Variants in ASTE1 observed in about 807,000 individuals in gnomAD.
The protein encoded by ASTE1 is single-strand DNA endonuclease ASTE1.
In ASTE1, 49 loss-of-function variants were observed where a neutral mutation model predicts 45.8. The ratio of observed to expected loss-of-function variants is 1.07; its 90% confidence interval spans 0.85 to 1.36. The LOEUF is 1.36. ASTE1 is among the 40% of genes most tolerant of loss of function. ASTE1 has a pLI of 0.00. For synonymous variants in ASTE1, 296 were observed against 303.9 expected (o/e 0.97, Z 0.27); for missense variants, 709 against 804.0 (o/e 0.88, Z 1.43).
Position 131,024,614 on chromosome 3 carries a change from G to T in ASTE1, c.693C>A (p.Ile231=), listed in dbSNP as rs144860911. ...GCGCTTTACTTAAGAATGTCTCCATGATGGGTAGATTAACATGGTCATTTC... is the reference window on the plus strand; with the variant it reads ...GCGCTTTACTTAAGAATGTCTCCATTATGGGTAGATTAACATGGTCATTTC... ...LCGNDHVNLP[I]METFLSKARL... is the part of the protein sequence containing the mutation. Residue 231 remains isoleucine, a synonymous_variant, in exon 3 of 6, where the codon ATC becomes ATA. Coordinates refer to ENST00000264992, the MANE Select transcript of ASTE1 (RefSeq NM_014065.4). 2 of 1,607,918 alleles carry T rather than the reference G, an allele frequency of 1.2e-6. No homozygotes were observed. Among genetic ancestry groups the T allele is most frequent in the South Asian group, 1.1e-5 (1 of 90,230 alleles).
chr3:131,014,126 T>C lies in ASTE1; in HGVS notation c.1971A>G (p.Gly657=). 6.2e-7 allele frequency: 1 copy of C among 1,612,278 alleles called. No homozygotes were observed. Among genetic ancestry groups the C allele is most frequent in the Admixed American group, 1.7e-5 (1 of 59,728 alleles). Residue 657 remains glycine, a synonymous_variant, in exon 6 of 6, where the codon GGA becomes GGG. Transcript: ENST00000264992. ...CCATTAACAACCCAAACCGGTTGTTTCCCTCATACCAACACTTGGTGTGTG... is the reference window on the plus strand; with the variant it reads ...CCATTAACAACCCAAACCGGTTGTTCCCCTCATACCAACACTTGGTGTGTG... ...TTAHTKCWYE[G]NNRFGLLMVE... is the part of the protein sequence containing the mutation.
At chr3:131,021,141 A>G (rs2063736999) in intron 3 of ASTE1, among the ~76,000 whole-genome samples, 1 of 152,234 alleles carries the variant, frequency 6.6e-6, no homozygotes, top group Non-Finnish European at 1.5e-5. Flanking sequence ...CTGTTCATCA[A>G]AACATACTAA....
chr3:131,025,861 C>G (rs971460469), intron 1 of ASTE1, among the ~76,000 whole-genome samples: 2 of 152,244 alleles, frequency 1.3e-5, no homozygotes, highest in Non-Finnish European at 2.9e-5. Context: ...GAACTTCTTT[C>G]AGGCTTTGGA....
intron 3 of ASTE1, among the ~76,000 whole-genome samples, chr3:131,021,130 T>A (rs2063736840): frequency 6.6e-6 from 1 of 152,166 alleles, no homozygotes; most frequent in African/African-American, 2.4e-5. Context: ...ATTAAGAACT[T>A]CTGTTCATCA....
At chr3:131,020,016 A>G (rs1485691417) in intron 3 of ASTE1, among the ~76,000 whole-genome samples, 9 of 152,222 alleles carry the variant, frequency 5.9e-5, no homozygotes, top group Admixed American at 5.2e-4. Context: ...TGCACTAAGT[A>G]GAGCTAAGAA....
At position 131,025,236 on chromosome 3, in the gene ASTE1, C is replaced by T. The variant is rs779812184; in HGVS notation, c.71G>A (p.Arg24Gln). 27 of 1,614,010 alleles carry T rather than the reference C, an allele frequency of 1.7e-5. No individual in the cohort carries two copies. Among genetic ancestry groups the T allele is most frequent in the Middle Eastern group, 3.3e-4 (2 of 6,084 alleles). ...SNEFFTDLKL[R>Q]DTKIVIDGYA... ...ACCATCAATGACAATTTTTGTGTCCCGCAACTTCAAATCAGTGAAGAACTC... is the reference window on the plus strand; with the variant it reads ...ACCATCAATGACAATTTTTGTGTCCTGCAACTTCAAATCAGTGAAGAACTC... The change falls in exon 3 of 6, where the codon CGG becomes CAG. Residue 24 changes from arginine to glutamine, a missense_variant. Coordinates refer to ENST00000264992, the MANE Select transcript of ASTE1 (RefSeq NM_014065.4).
Position 131,026,790 on chromosome 3 carries a change from T to C in ASTE1, c.-430A>G, listed in dbSNP as rs2063917711. The C allele has an allele frequency of 6.6e-6, 1 of 152,350 alleles. No homozygotes were observed. Among genetic ancestry groups the C allele is most frequent in the Admixed American group, 6.6e-5 (1 of 15,262 alleles). 9.4% of individuals were successfully genotyped at this position (152,350 alleles called of 1,614,324 possible). A position where few individuals can be genotyped will look rare whatever the true frequency, so the allele number is the denominator to read the frequency against. ...TTGGCCCGCCGGTCCTCCTCTGCTT[T>C]CTCCGCCTACTTGGGTCGGCGAACA... is the stretch of plus-strand genomic sequence containing the variant. On this transcript the variant is annotated 5_prime_UTR_variant, in exon 1 of 6. Transcript: ENST00000264992.
intron 5 of ASTE1, chr3:131,015,380 G>A: frequency 3.4e-6 from 2 of 585,580 alleles, no homozygotes; most frequent in Non-Finnish European, 6.0e-6. Flanking sequence ...CCTCCTGGAT[G>A]GTCAATTACC....
At position 131,024,099 on chromosome 3, in the gene ASTE1, C is replaced by G. The variant is rs2063776615; in HGVS notation, c.1208G>C (p.Ser403Thr). 9 of 1,614,120 alleles carry G rather than the reference C, an allele frequency of 5.6e-6. No homozygotes were observed. Among genetic ancestry groups the G allele is most frequent in the Admixed American group, 1.7e-5 (1 of 60,018 alleles). ...NALPPQPLAF[S>T]EVERINKNIR... ...ATTTTTATTAATCCTTTCCACTTCACTGAAAGCTAGAGGCTGAGGAGGCAA... is the reference window on the plus strand; with the variant it reads ...ATTTTTATTAATCCTTTCCACTTCAGTGAAAGCTAGAGGCTGAGGAGGCAA... Residue 403 changes from serine to threonine, a missense_variant, in exon 3 of 6, where the codon AGT (serine) becomes ACT (threonine). Coordinates refer to ENST00000264992, the MANE Select transcript of ASTE1 (RefSeq NM_014065.4).
At chr3:131,022,544 AACT>A (rs1251477177) in intron 3 of ASTE1, among the ~76,000 whole-genome samples, 1 of 151,246 alleles carries the variant, frequency 6.6e-6, no homozygotes, top group Non-Finnish European at 1.5e-5. Context: ...GCTGGTCTTG[AACT>A]ACTGGCCTCA....
rs2063448461 is a variant in ASTE1, at chr3:131,013,987, C to G, written c.*70G>C. The G allele has an allele frequency of 1.7e-6, 2 of 1,154,526 alleles. No individual in the cohort carries two copies. The highest frequency in any genetic ancestry group is 3.1e-5 in the African/African-American group (2 of 64,306). 71.5% of individuals were successfully genotyped at this position (1,154,526 alleles called of 1,614,324 possible). On this transcript the variant is annotated 3_prime_UTR_variant, in exon 6 of 6. Coordinates refer to ENST00000264992, the MANE Select transcript of ASTE1 (RefSeq NM_014065.4). ...GTCCTAAAGAAAAAGCTAATTGTTT[C>G]AAGGGTGGTAACGGAAGAATTTTAA...
rs551098595 is a variant in ASTE1, at chr3:131,025,278, A to G, written c.29T>C (p.Val10Ala). 6.2e-7 allele frequency: 1 copy of G among 1,613,848 alleles called. No homozygotes were observed. Among genetic ancestry groups the G allele is most frequent in the South Asian group, 1.1e-5 (1 of 91,046 alleles). Reference sequence around the variant, plus strand: ...GAAGAACTCATTACTATGATCTTCCACAAAACTCATTAGTCCTCGGATACC... The same window carrying G: ...GAAGAACTCATTACTATGATCTTCCGCAAAACTCATTAGTCCTCGGATACC... MGIRGLMSF[V>A]EDHSNEFFTD... The change falls in exon 3 of 6, where the codon GTG becomes GCG. Residue 10 changes from valine to alanine, a missense_variant. Transcript: ENST00000264992.
In ASTE1 at chr3:131,013,907, A is replaced by G. The variant is rs1358795618; in HGVS notation, c.*150T>C. On this transcript the variant is annotated 3_prime_UTR_variant, in exon 6 of 6. Coordinates refer to ENST00000264992, the MANE Select transcript of ASTE1 (RefSeq NM_014065.4). ...ATCAGGTTGTATTTATTAAAAACAA[A>G]ATACAAAATAACTTGGAATTCAGAT... is the stretch of plus-strand genomic sequence containing the variant. 5.2e-6 allele frequency: 3 copies of G among 575,462 alleles called. No homozygotes were observed. The highest frequency in any genetic ancestry group is 3.0e-5 in the East Asian group (1 of 33,178). 35.6% of individuals were successfully genotyped at this position (575,462 alleles called of 1,614,324 possible).
rs2063780062 is a variant in ASTE1 at position 131,024,336 on chromosome 3, C to G, written c.971G>C (p.Gly324Ala). 2 of 1,614,220 alleles carry G rather than the reference C, an allele frequency of 1.2e-6. No individual in the cohort carries two copies. Among genetic ancestry groups the G allele is most frequent in the Non-Finnish European group, 1.7e-6 (2 of 1,180,038 alleles). Residue 324 changes from glycine to alanine, a missense_variant, in exon 3 of 6, where the codon GGT (glycine) becomes GCT (alanine). Coordinates refer to ENST00000264992, the MANE Select transcript of ASTE1 (RefSeq NM_014065.4). ...TYVCPDALNL[G>A]LPEWVLVALA... ...AGCCACTAATACCCATTCTGGTAAACCAAGATTCAAGGCATCTGGACAGAC... is the reference window on the plus strand; with the variant it reads ...AGCCACTAATACCCATTCTGGTAAAGCAAGATTCAAGGCATCTGGACAGAC...
chr3:131,019,257 T>A (rs1481901283), intron 3 of ASTE1, among the ~76,000 whole-genome samples: 1 of 151,918 alleles, frequency 6.6e-6, no homozygotes, highest in Non-Finnish European at 1.5e-5. Context: ...ATACTCTATT[T>A]GTTTGGGTCC....
intron 3 of ASTE1, 128 bp downstream of exon 3, chr3:131,023,877 T>G: frequency 1.0e-6 from 1 of 967,428 alleles, no homozygotes; most frequent in Non-Finnish European, 1.5e-6. Flanking sequence ...ATTTCTTAGC[T>G]ACGACATGAG....
rs751936370 is a variant in ASTE1, at chr3:131,014,127, C to A, written c.1970G>T (p.Gly657Val). ...CATTAACAACCCAAACCGGTTGTTT[C>A]CCTCATACCAACACTTGGTGTGTGC... ...TTAHTKCWYE[G>V]NNRFGLLMVE... Residue 657 changes from glycine (G) to valine (V), a missense_variant, in exon 6 of 6, where the codon GGA (glycine) becomes GTA (valine). Gly to Val is a moderately radical substitution (Grantham distance 109). Transcript: ENST00000264992. 9 of 1,612,364 alleles carry A rather than the reference C, an allele frequency of 5.6e-6. No homozygotes were observed. In the South Asian group the frequency reaches 7.7e-5, roughly 14 times the overall value.
intron 4 of ASTE1, among the ~76,000 whole-genome samples, chr3:131,017,992 AAAAAG>A (rs199751413): frequency 0.015 from 1,624 of 106,844 alleles, 71 homozygotes; most frequent in South Asian, 0.067. Context: ...AAAAAAAAAA[AAAAAG>A]GACAAATTAC....
rs141011294 is a variant in ASTE1, at chr3:131,024,557, C to G, written c.750G>C (p.Gly250=). 1.4e-5 allele frequency: 23 copies of G among 1,613,828 alleles called. No individual in the cohort carries two copies. Among genetic ancestry groups the G allele is most frequent in the Non-Finnish European group, 1.9e-5 (22 of 1,179,968 alleles). The change falls in exon 3 of 6, where the codon GGG becomes GGC. Residue 250 remains glycine, a synonymous_variant. Coordinates refer to ENST00000264992, the MANE Select transcript of ASTE1 (RefSeq NM_014065.4). Reference sequence around the variant, plus strand: ...GTCCCAGGATTCGGTGGTGTCTCCTCCCTTTAGAACTGGTAGCTCCAAGAG... The same window carrying G: ...GTCCCAGGATTCGGTGGTGTCTCCTGCCTTTAGAACTGGTAGCTCCAAGAG... ...RLPLGATSSK[G]RRHHRILGLL...
Sources: allele counts gnomAD v4.1 joint callset (sites outside exome capture counted in the v4.1 genomes callset), GRCh38; gene constraint gnomAD v4.1.1; transcripts MANE v1.5; gene names NCBI Gene and HGNC (gene_info 2026-07-23, HGNC 2026-07-21).